Variants in ZNF101 observed in about 807,000 individuals in gnomAD.
The protein encoded by ZNF101 is zinc finger protein 101.
ZNF101 carries 34 observed loss-of-function variants against 42.6 expected under a neutral mutation model. That is an observed-to-expected ratio of 0.80 (90% CI 0.61 to 1.06). The LOEUF is 1.06. Ranked by LOEUF, ZNF101 falls within the 50% of genes least tolerant of loss-of-function variation. The pLI, the probability that ZNF101 is intolerant of heterozygous loss-of-function variation, is 0.00. For synonymous variants in ZNF101, 158 were observed against 183.9 expected (o/e 0.86, Z 1.14); for missense variants, 466 against 530.9 (o/e 0.88, Z 1.20).
rs2062213025 is a variant in ZNF101, at chr19:19,677,980, G to A, written c.120G>A (p.Leu40=). 3.7e-6 allele frequency: 6 copies of A among 1,610,668 alleles called. No individual in the cohort carries two copies. Among genetic ancestry groups the A allele is most frequent in the Non-Finnish European group, 5.1e-6 (6 of 1,178,004 alleles). Residue 40 remains leucine (L), a synonymous_variant, in exon 2 of 4, where the codon CTG becomes CTA. Coordinates refer to ENST00000592502, the MANE Select transcript of ZNF101 (RefSeq NM_033204.4). ...RDVTLETFRN[L]ASVGIQWKDQ... ...TGACGCTGGAAACCTTCAGGAACCT[G>A]GCCTCGGTCGGTAAGAAGGACATTT... is the stretch of plus-strand genomic sequence containing the variant.
In ZNF101 at chr19:19,681,719, C is replaced by G. The variant is rs1344573768; in HGVS notation, c.*1419C>G. On this transcript the variant is annotated 3_prime_UTR_variant, in exon 4 of 4. Transcript: ENST00000592502. ...GAGTGGAGATTGCGCCACTGGACTC[C>G]AGCCTGGGCAACAGTGAGACCCTGT... 3 of 152,014 alleles carry G rather than the reference C, an allele frequency of 2.0e-5. No homozygotes were observed. Among genetic ancestry groups the G allele is most frequent in the Non-Finnish European group, 4.4e-5 (3 of 68,016 alleles). 9.4% of individuals were successfully genotyped at this position (152,014 alleles called of 1,614,324 possible). A position where few individuals can be genotyped will look rare whatever the true frequency, so the allele number is the denominator to read the frequency against.
rs139507931 is a variant in ZNF101 at position 19,677,986 on chromosome 19, G to A, written c.126G>A (p.Ser42=). ...TGGAAACCTTCAGGAACCTGGCCTC[G>A]GTCGGTAAGAAGGACATTTCCTTCC... is the stretch of plus-strand genomic sequence containing the variant. The part of the protein sequence containing the change: ...VTLETFRNLA[S]VGIQWKDQDI... Residue 42 remains serine (S), a synonymous_variant, in exon 2 of 4, where the codon TCG becomes TCA. Transcript: ENST00000592502. 1,735 of 1,609,984 alleles carry A rather than the reference G, an allele frequency of 1.1e-3. 2 individuals are homozygous for A. The highest frequency in any genetic ancestry group is 1.4e-3 in the Non-Finnish European group (1,641 of 1,177,512).
Position 19,668,839 on chromosome 19 carries a change from A to T in ZNF101, c.-125A>T. 5 of 1,294,194 alleles carry T rather than the reference A, an allele frequency of 3.9e-6. No individual in the cohort carries two copies. The highest frequency in any genetic ancestry group is 2.7e-5 in the Admixed American group (1 of 37,640). The allele number at this position is 1,294,194 out of a possible 1,614,324, so 80.2% of individuals were successfully genotyped here. A position where few individuals can be genotyped will look rare whatever the true frequency, so the allele number is the denominator to read the frequency against. On this transcript the variant is annotated 5_prime_UTR_variant, in exon 1 of 4. Transcript: ENST00000592502. ...CGGTCTCATTTCCCGCCGGCCCCCC[A>T]TTCGGGTCCGGGTTTTAGTTCCTCG...
chr19:19,682,299 A>G lies in ZNF101; in HGVS notation c.*1999A>G, dbSNP rs1018746567. The G allele has an allele frequency of 6.6e-6, 1 of 151,612 alleles. No homozygotes were observed. Among genetic ancestry groups the G allele is most frequent in the African/African-American group, 2.4e-5 (1 of 41,190 alleles). The allele number at this position is 151,612 out of a possible 1,614,324, so 9.4% of individuals were successfully genotyped here. A position where few individuals can be genotyped will look rare whatever the true frequency, so the allele number is the denominator to read the frequency against. On this transcript the variant is annotated 3_prime_UTR_variant, in exon 4 of 4. Transcript: ENST00000592502. ...CAGTGGCGCGATCTTGACTCACTGT[A>G]ACCTCTGACTTCTGGGTTCAAGCAA... is the stretch of plus-strand genomic sequence containing the variant.
rs1171093102 is a variant in ZNF101 at position 19,680,254 on chromosome 19, A to G, written c.1265A>G (p.Gln422Arg). The change falls in exon 4 of 4, where the codon CAG becomes CGG. Residue 422 changes from glutamine (Q) to arginine (R), a missense_variant. Coordinates refer to ENST00000592502, the MANE Select transcript of ZNF101 (RefSeq NM_033204.4). The stretch of plus-strand genomic sequence containing the variant: ...AGAACTCATTTGGCCGGGCGTAGCC[A>G]GTGCTTTGGCAGGAGGCAGGGGGAT... ...HERTHLAGRS[Q>R]CFGRRQGDHL... The G allele has an allele frequency of 6.5e-7, 1 of 1,547,860 alleles. No individual in the cohort carries two copies. The highest frequency in any genetic ancestry group is 8.7e-7 in the Non-Finnish European group (1 of 1,151,402).
chr19:19,679,820 G>A lies in ZNF101; in HGVS notation c.831G>A (p.Ala277=), dbSNP rs1171383171. ...GGACACATGAAATCAGATCTCACGC[G>A]CTGGAGAAATCCCACCAATGTCAGG... ...YLRTHEIRSH[A]LEKSHQCQEC... is the part of the protein sequence containing the mutation. Residue 277 remains alanine, a synonymous_variant, in exon 4 of 4, where the codon GCG becomes GCA. Transcript: ENST00000592502. The A allele has an allele frequency of 3.1e-6, 5 of 1,613,668 alleles. No homozygotes were observed. Among genetic ancestry groups the A allele is most frequent in the East Asian group, 2.2e-5 (1 of 44,854 alleles).
At chr19:19,674,418 T>C (rs2062190011) in intron 1 of ZNF101, among the ~76,000 whole-genome samples, 9 of 151,918 alleles carry the variant, frequency 5.9e-5, no homozygotes, top group Admixed American at 3.9e-4. Flanking sequence ...TCAAGTGATC[T>C]ACTCGCCTCG....
chr19:19,676,126 C>T (rs1329968941), intron 1 of ZNF101: 1 of 152,086 alleles, frequency 6.6e-6, no homozygotes, highest in African/African-American at 2.4e-5. Context: ...AAGCAATCCT[C>T]CTGCCTTAAC....
At chr19:19,677,797 T>G in intron 1 of ZNF101, 67 bp from the exon 2 acceptor site, 1 of 1,572,092 alleles carries the variant, frequency 6.4e-7, no homozygotes, top group East Asian at 2.3e-5. Flanking sequence ...GGATCACTCA[T>G]GTATTGAGTA....
At position 19,681,518 on chromosome 19, in the gene ZNF101, G is replaced by A. The variant is rs1209645591; in HGVS notation, c.*1218G>A. ...GTAATCCCAGCATTTTGGGAGGCTGGGGTGGGTAGATTGCTTGAGGCCAGG... is the reference window on the plus strand; with the variant it reads ...GTAATCCCAGCATTTTGGGAGGCTGAGGTGGGTAGATTGCTTGAGGCCAGG... On this transcript the variant is annotated 3_prime_UTR_variant, in exon 4 of 4. Coordinates refer to ENST00000592502, the MANE Select transcript of ZNF101 (RefSeq NM_033204.4). 1 of 152,184 alleles carries A rather than the reference G, an allele frequency of 6.6e-6. No homozygotes were observed. The highest frequency in any genetic ancestry group is 1.5e-5 in the Non-Finnish European group (1 of 68,044). The allele number at this position is 152,184 out of a possible 1,614,324, so 9.4% of individuals were successfully genotyped here.
At chr19:19,674,101 C>A (rs967461837) in intron 1 of ZNF101, among the ~76,000 whole-genome samples, 1 of 151,450 alleles carries the variant, frequency 6.6e-6, no homozygotes, top group Admixed American at 6.6e-5. Context: ...CTATTCAATT[C>A]TTTTTGGTGC....
chr19:19,669,400 C>G (rs12982049), intron 1 of ZNF101, among the ~76,000 whole-genome samples: 7,410 of 152,312 alleles, frequency 0.049, 270 homozygotes, highest in East Asian at 0.17. Context: ...CAGCTTCGCT[C>G]CTCCCAGGGC....
At position 19,679,445 on chromosome 19, in the gene ZNF101, C is replaced by T. The variant is rs763107863; in HGVS notation, c.456C>T (p.Ser152=). Residue 152 remains serine (S), a synonymous_variant, in exon 4 of 4, where the codon TCC becomes TCT. Coordinates refer to ENST00000592502, the MANE Select transcript of ZNF101 (RefSeq NM_033204.4). The part of the protein sequence containing the change: ...KQKQHGKASI[S]PSSGARRTVT... ...AACAACATGGGAAAGCCTCCATTTCCCCCAGTAGTGGTGCACGGCGCACAG... is the reference window on the plus strand; with the variant it reads ...AACAACATGGGAAAGCCTCCATTTCTCCCAGTAGTGGTGCACGGCGCACAG... 6.2e-7 allele frequency: 1 copy of T among 1,614,038 alleles called. No individual in the cohort carries two copies. The highest frequency in any genetic ancestry group is 1.7e-5 in the Admixed American group (1 of 59,990).
At chr19:19,677,710 A>C (rs1380409007) in intron 1 of ZNF101, 154 bp from the exon 2 acceptor site, 3 of 1,150,582 alleles carry the variant, frequency 2.6e-6, no homozygotes, top group Non-Finnish European at 3.4e-6. Context: ...AACTGCTGCG[A>C]GGGAGGAAGT....
In ZNF101 at chr19:19,679,923, T is replaced by C. The variant is rs1225692192; in HGVS notation, c.934T>C (p.Cys312Arg). Residue 312 changes from cysteine to arginine, a missense_variant, in exon 4 of 4, where the codon TGT becomes CGT. By Grantham distance (180) the Cys-to-Arg change is radical. Coordinates refer to ENST00000592502, the MANE Select transcript of ZNF101 (RefSeq NM_033204.4). Reference sequence around the variant, plus strand: ...TCATAGTGGAGGAAAACTCTACGAATGTCAAAAATGTGCCAAAGTCTTTAG... The same window carrying C: ...TCATAGTGGAGGAAAACTCTACGAACGTCAAAAATGTGCCAAAGTCTTTAG... The part of the protein sequence containing the change: ...RTHSGGKLYE[C>R]QKCAKVFRCP... 6 of 1,614,024 alleles carry C rather than the reference T, an allele frequency of 3.7e-6. No homozygotes were observed. In the Admixed American group the frequency reaches 6.7e-5, roughly 18 times the overall value.
At position 19,681,727 on chromosome 19, in the gene ZNF101, G is replaced by C. The variant is rs1407897426; in HGVS notation, c.*1427G>C. On this transcript the variant is annotated 3_prime_UTR_variant, in exon 4 of 4. Coordinates refer to ENST00000592502, the MANE Select transcript of ZNF101 (RefSeq NM_033204.4). ...ATTGCGCCACTGGACTCCAGCCTGG[G>C]CAACAGTGAGACCCTGTCTAAAAAA... The C allele has an allele frequency of 6.6e-6, 1 of 152,024 alleles. No individual in the cohort carries two copies. The highest frequency in any genetic ancestry group is 6.6e-5 in the Admixed American group (1 of 15,212). 9.4% of individuals were successfully genotyped at this position (152,024 alleles called of 1,614,324 possible).
At chr19:19,672,871 G>A (rs1000874910) in intron 1 of ZNF101, among the ~76,000 whole-genome samples, 1 of 152,118 alleles carries the variant, frequency 6.6e-6, no homozygotes, top group African/African-American at 2.4e-5. Context: ...AAAAAAACCA[G>A]ACATGGGATT....
In ZNF101 at chr19:19,680,597, C is replaced by T. The variant is rs183639200; in HGVS notation, c.*297C>T. 5.7e-4 allele frequency: 92 copies of T among 161,374 alleles called. No individual in the cohort carries two copies. The highest frequency in any genetic ancestry group is 9.3e-4 in the Non-Finnish European group (74 of 79,968). 10.0% of individuals were successfully genotyped at this position (161,374 alleles called of 1,614,324 possible). A position where few individuals can be genotyped will look rare whatever the true frequency, so the allele number is the denominator to read the frequency against. On this transcript the variant is annotated 3_prime_UTR_variant, in exon 4 of 4. Coordinates refer to ENST00000592502, the MANE Select transcript of ZNF101 (RefSeq NM_033204.4). Reference sequence around the variant, plus strand: ...TCACGCCATTGCACTCCAGCCTGGGCGACAAAAGTGAGACTCCATCACACA... The same window carrying T: ...TCACGCCATTGCACTCCAGCCTGGGTGACAAAAGTGAGACTCCATCACACA...
At chr19:19,669,067 G>A in intron 1 of ZNF101, 101 bp downstream of exon 1, 2 of 1,466,056 alleles carry the variant, frequency 1.4e-6, no homozygotes, top group East Asian at 2.6e-5. Flanking sequence ...GGGGGTCTGG[G>A]ACCCGAGTCC....
Sources: allele counts gnomAD v4.1 joint callset (sites outside exome capture counted in the v4.1 genomes callset), GRCh38; gene constraint gnomAD v4.1.1; transcripts MANE v1.5; gene names NCBI Gene and HGNC (gene_info 2026-07-23, HGNC 2026-07-21).